Variants in MEX3B observed in about 807,000 individuals in gnomAD.
MEX3B encodes the protein mex-3 RNA binding family member B.
In MEX3B, 10 loss-of-function variants were observed where a neutral mutation model predicts 12.2. The observed-to-expected ratio is 0.82, with a 90% CI of 0.51 to 1.40. The LOEUF is 1.40. Among genes scored for constraint, MEX3B ranks in the 40% most tolerant of loss-of-function variants. The pLI is 0.00. For synonymous variants in MEX3B, 498 were observed against 356.3 expected, an observed-to-expected ratio of 1.40 and a Z score of -4.48; for missense variants, 839 against 801.4, an observed-to-expected ratio of 1.05 and a Z score of -0.57.
rs1856324502 is a variant in MEX3B at position 82,043,936 on chromosome 15, T to C, written c.934A>G (p.Thr312Ala). The C allele has an allele frequency of 6.2e-7, 1 of 1,604,770 alleles. No individual in the cohort carries two copies. Among genetic ancestry groups the C allele is most frequent in the African/African-American group, 1.3e-5 (1 of 74,880 alleles). The change falls in exon 2 of 2, where the codon ACC becomes GCC. Residue 312 changes from threonine to alanine, a missense_variant. Thr to Ala is a moderately conservative substitution (Grantham distance 58). Transcript: ENST00000329713. ...GGGTSSSAAA[T>A]QRLADYSPPS... ...GGGCTGTAGTCCGCCAGGCGCTGGG[T>C]AGCCGCTGCGCTGCTGCTGGTCCCG...
chr15:82,043,973 A>T lies in MEX3B; in HGVS notation c.897T>A (p.Ser299=). The change falls in exon 2 of 2, where the codon TCT becomes TCA. Residue 299 remains serine (S), a synonymous_variant. Coordinates refer to ENST00000329713, the MANE Select transcript of MEX3B (RefSeq NM_032246.6). The stretch of plus-strand genomic sequence containing the variant: ...TGCTGCTGGTCCCGCCGCCGAAATA[A>T]GAGTCTGTGGAAGCACTGCCAAGCG... ...SSSLGSASTD[S]YFGGGTSSSA... 2 of 1,609,336 alleles carry T rather than the reference A, an allele frequency of 1.2e-6. No homozygotes were observed. Among genetic ancestry groups the T allele is most frequent in the Non-Finnish European group, 1.7e-6 (2 of 1,179,830 alleles).
In MEX3B at chr15:82,042,874, C is replaced by A. The variant is rs538338874; in HGVS notation, c.*286G>T. 1 of 292,398 alleles carries A rather than the reference C, an allele frequency of 3.4e-6. No homozygotes were observed. Among genetic ancestry groups the A allele is most frequent in the Admixed American group, 4.9e-5 (1 of 20,210 alleles). 18.1% of individuals were successfully genotyped at this position (292,398 alleles called of 1,614,324 possible). On this transcript the variant is annotated 3_prime_UTR_variant, in exon 2 of 2. Coordinates refer to ENST00000329713, the MANE Select transcript of MEX3B (RefSeq NM_032246.6). ...AAAACTATCATTACTAGAATGTCGC[C>A]GTTCCTATTATTTATAGAGCATGCA...
At position 82,045,805 on chromosome 15, in the gene MEX3B, G is replaced by A. The variant is rs2073255080; in HGVS notation, c.-100C>T. 2 of 1,260,066 alleles carry A rather than the reference G, an allele frequency of 1.6e-6. No individual in the cohort carries two copies. The highest frequency in any genetic ancestry group is 1.6e-5 in the African/African-American group (1 of 63,418). The allele number at this position is 1,260,066 out of a possible 1,614,324, so 78.1% of individuals were successfully genotyped here. A position where few individuals can be genotyped will look rare whatever the true frequency, so the allele number is the denominator to read the frequency against. On this transcript the variant is annotated 5_prime_UTR_variant, in exon 1 of 2. Transcript: ENST00000329713. Reference sequence around the variant, plus strand: ...GGAAGCGGGTGGTCAGGGGCGGGGAGGCCGGTCGCCTGCTGAGGGCTCCGT... The same window carrying A: ...GGAAGCGGGTGGTCAGGGGCGGGGAAGCCGGTCGCCTGCTGAGGGCTCCGT...
intron 1 of MEX3B, chr15:82,045,006 T>A: frequency 1.7e-6 from 1 of 579,656 alleles, no homozygotes; most frequent in Non-Finnish European, 3.1e-6. Context: ...GCTGGTCGAC[T>A]GGGGGTAGGG....
In MEX3B at chr15:82,042,486, T is replaced by G. The variant is rs1419240102; in HGVS notation, c.*674A>C. ...CATCTTTGCAATATGAAATATAATT[T>G]TTCAAGTCAAAAAAGAATAAAATAC... On this transcript the variant is annotated 3_prime_UTR_variant, in exon 2 of 2. Transcript: ENST00000329713. The G allele has an allele frequency of 6.6e-6, 1 of 152,612 alleles. No homozygotes were observed. The highest frequency in any genetic ancestry group is 1.5e-5 in the Non-Finnish European group (1 of 68,052). The allele number at this position is 152,612 out of a possible 1,614,324, so 9.5% of individuals were successfully genotyped here.
rs997163686 is a variant in MEX3B at position 82,042,088 on chromosome 15, CTA to C, written c.*1070_*1071del. The stretch of plus-strand genomic sequence containing the variant: ...ATGTATTAAAATAGAAATACTAAAA[CTA>C]GAGTGGTGCAACAGAATTTTTGTAA... On this transcript the variant is annotated 3_prime_UTR_variant, in exon 2 of 2. Transcript: ENST00000329713. The C allele has an allele frequency of 2.0e-5, 3 of 152,584 alleles. No individual in the cohort carries two copies. Among genetic ancestry groups the C allele is most frequent in the African/African-American group, 7.2e-5 (3 of 41,444 alleles). 9.5% of individuals were successfully genotyped at this position (152,584 alleles called of 1,614,324 possible).
In MEX3B at chr15:82,045,558, C is replaced by T. The variant is rs1239652210; in HGVS notation, c.148G>A (p.Glu50Lys). The T allele has an allele frequency of 1.2e-6, 2 of 1,611,520 alleles. No homozygotes were observed. Among genetic ancestry groups the T allele is most frequent in the African/African-American group, 1.3e-5 (1 of 74,918 alleles). Residue 50 changes from glutamate (E) to lysine (K), a missense_variant, in exon 1 of 2, where the codon GAG becomes AAG. Glu to Lys is a moderately conservative substitution (Grantham distance 56, BLOSUM62 1). This residue lies in a region of MEX3B where 214 missense variants were observed against 223.8 expected (regional missense o/e 0.96). Transcript: ENST00000329713. ...QLSLLGLDSDEGASLYDSEPR... is the reference protein window; with the variant it reads ...QLSLLGLDSDKGASLYDSEPR... Reference sequence around the variant, plus strand: ...TCGCTGTCGTACAGAGAGGCGCCCTCGTCACTGTCCAGCCCCAGCAGGGAG... The same window carrying T: ...TCGCTGTCGTACAGAGAGGCGCCCTTGTCACTGTCCAGCCCCAGCAGGGAG...
chr15:82,043,437 A>AGCCCGCTGT lies in MEX3B; in HGVS notation c.1432_1433insACAGCGGGC (p.Gly477_Leu478insHisSerGly). 1 of 1,562,754 alleles carries AGCCCGCTGT rather than the reference A, an allele frequency of 6.4e-7. No homozygotes were observed. On this transcript the variant is annotated inframe_insertion, in exon 2 of 2. Coordinates refer to ENST00000329713, the MANE Select transcript of MEX3B (RefSeq NM_032246.6). ...CTGCAAGCCAGGCAGCTGTGCCCCC[A>AGCCCGCTGT]GCCCGTTGGCATAAGCGGCGTAGGC...
At chr15:82,045,342 A>C (rs1401990908) in intron 1 of MEX3B, 108 bp downstream of exon 1, 4 of 1,355,956 alleles carry the variant, frequency 2.9e-6, no homozygotes, top group Non-Finnish European at 4.1e-6. Flanking sequence ...CTCTCTCCCC[A>C]AGGCACCCCA....
rs755560429 is a variant in MEX3B at position 82,043,659 on chromosome 15, G to A, written c.1211C>T (p.Ala404Val). Residue 404 changes from alanine to valine, a missense_variant, in exon 2 of 2, where the codon GCT (alanine) becomes GTT (valine). Coordinates refer to ENST00000329713, the MANE Select transcript of MEX3B (RefSeq NM_032246.6). ...SSCSSSASSS[A>V]SSSSVVFPGG... Reference sequence around the variant, plus strand: ...GGGGAAGACCACGGAGGAGGAAGAAGCAGACGAAGATGCAGAAGAAGAGCA... The same window carrying A: ...GGGGAAGACCACGGAGGAGGAAGAAACAGACGAAGATGCAGAAGAAGAGCA... The A allele has an allele frequency of 5.0e-6, 8 of 1,611,160 alleles. No homozygotes were observed. In the African/African-American group the frequency reaches 9.4e-5, roughly 19 times the overall value.
In MEX3B at chr15:82,044,116, G is replaced by C. The variant is rs765620150; in HGVS notation, c.754C>G (p.Leu252Val). ...HANGTDVGFD[L>V]HHGSGGSGPG... ...CCGGACCCGCCGGACCCATGATGCA[G>C]ATCGAAGCCCACATCGGTGCCGTTG... Residue 252 changes from leucine (L) to valine (V), a missense_variant, in exon 2 of 2, where the codon CTG becomes GTG. By Grantham distance (32) the Leu-to-Val change is conservative. Transcript: ENST00000329713. The surrounding 1 kb of genome is among the most constrained non-coding windows in gnomAD (Gnocchi z 5.3). 4 of 1,613,240 alleles carry C rather than the reference G, an allele frequency of 2.5e-6. No homozygotes were observed. The highest frequency in any genetic ancestry group is 3.4e-6 in the Non-Finnish European group (4 of 1,180,026).
rs1390662986 is a variant in MEX3B, at chr15:82,044,995, C to G, written c.257-382G>C. 1.2e-5 allele frequency: 7 copies of G among 583,580 alleles called. No individual in the cohort carries two copies. The highest frequency in any genetic ancestry group is 3.1e-5 in the Admixed American group (1 of 32,196). 36.2% of individuals were successfully genotyped at this position (583,580 alleles called of 1,614,324 possible). ...GGCAGCTGAAGTCGCGATGCCTCAG[C>G]GCTGGTCGACTGGGGGTAGGGGGTG... On this transcript the variant is annotated intron_variant, in intron 1 of 1. Coordinates refer to ENST00000329713, the MANE Select transcript of MEX3B (RefSeq NM_032246.6). This position sits in a 1 kb window ranked among gnomAD's most constrained non-coding sequence, Gnocchi z 5.3.
chr15:82,044,107 C>T lies in MEX3B; in HGVS notation c.763G>A (p.Gly255Arg), dbSNP rs1390275634. Residue 255 changes from glycine (G) to arginine (R), a missense_variant, in exon 2 of 2, where the codon GGG (glycine) becomes AGG (arginine). By Grantham distance (125) the Gly-to-Arg change is moderately radical. Coordinates refer to ENST00000329713, the MANE Select transcript of MEX3B (RefSeq NM_032246.6). This position sits in a 1 kb window ranked among gnomAD's most constrained non-coding sequence, Gnocchi z 5.3. ...CTGCCTGGGCCGGACCCGCCGGACC[C>T]ATGATGCAGATCGAAGCCCACATCG... ...GTDVGFDLHHGSGGSGPGSLW... is the reference protein window; with the variant it reads ...GTDVGFDLHHRSGGSGPGSLW... The T allele has an allele frequency of 6.2e-7, 1 of 1,613,042 alleles. No homozygotes were observed. Among genetic ancestry groups the T allele is most frequent in the Admixed American group, 1.7e-5 (1 of 60,022 alleles).
Position 82,043,860 on chromosome 15 carries a change from C to T in MEX3B, c.1010G>A (p.Gly337Asp). 6.3e-7 allele frequency: 1 copy of T among 1,591,468 alleles called. No homozygotes were observed. The highest frequency in any genetic ancestry group is 1.1e-5 in the South Asian group (1 of 87,536). ...CCCCGCTGTGTAGGTGTACCCATTG[C>T]CGTTATTGTTATTGTTTCCGTTGTG... The part of the protein sequence containing the change: ...FAHNGNNNNN[G>D]NGYTYTAGGE... Residue 337 changes from glycine to aspartate, a missense_variant, in exon 2 of 2, where the codon GGC (glycine) becomes GAC (aspartate). Physicochemically the swap from Gly to Asp is moderately conservative, Grantham distance 94. Around this residue, in one of 3 missense-constraint regions of MEX3B, gnomAD observed 573 missense variants for 488.9 expected, o/e 1.17. Transcript: ENST00000329713.
chr15:82,045,285 G>T (rs938770164), intron 1 of MEX3B, 165 bp downstream of exon 1: 2 of 852,302 alleles, frequency 2.3e-6, no homozygotes, highest in Admixed American at 2.0e-5. Flanking sequence ...GAGACAGCCT[G>T]CCTGCACTTT....
At position 82,043,457 on chromosome 15, in the gene MEX3B, G is replaced by A. The variant is rs1474143926; in HGVS notation, c.1413C>T (p.Tyr471=). The part of the protein sequence containing the change: ...RSDPGGGGLA[Y]AAYANGLGAQ... ...CCCCCAGCCCGTTGGCATAAGCGGC[G>A]TAGGCCAGGCCTCCTCCACCCGGGT... is the stretch of plus-strand genomic sequence containing the variant. The change falls in exon 2 of 2, where the codon TAC becomes TAT. Residue 471 remains tyrosine (Y), a synonymous_variant. Transcript: ENST00000329713. The A allele has an allele frequency of 6.5e-7, 1 of 1,547,620 alleles. No homozygotes were observed. The highest frequency in any genetic ancestry group is 2.0e-5 in the Admixed American group (1 of 50,434).
chr15:82,044,725 G>C lies in MEX3B; in HGVS notation c.257-112C>G. ...CCGCGTCCAGGACAGCGAGACGGCAGGACAAGAGATGGGCGGAAAGGGGGC... is the reference window on the plus strand; with the variant it reads ...CCGCGTCCAGGACAGCGAGACGGCACGACAAGAGATGGGCGGAAAGGGGGC... On this transcript the variant is annotated intron_variant, in intron 1 of 1. Coordinates refer to ENST00000329713, the MANE Select transcript of MEX3B (RefSeq NM_032246.6). This position sits in a 1 kb window ranked among gnomAD's most constrained non-coding sequence, Gnocchi z 5.3. 1 of 1,055,584 alleles carries C rather than the reference G, an allele frequency of 9.5e-7. No homozygotes were observed. 65.4% of individuals were successfully genotyped at this position (1,055,584 alleles called of 1,614,324 possible).
chr15:82,045,127 C>G (rs2141170657), intron 1 of MEX3B: 1 of 605,112 alleles, frequency 1.7e-6, no homozygotes, highest in South Asian at 2.0e-5. Flanking sequence ...CTTCCTCCTC[C>G]CAAAGGACTG....
chr15:82,044,090 G>A lies in MEX3B; in HGVS notation c.780C>T (p.Gly260=). The part of the protein sequence containing the change: ...FDLHHGSGGS[G]PGSLWSKPTP... ...TGGGCTTGCTCCAGAGGCTGCCTGG[G>A]CCGGACCCGCCGGACCCATGATGCA... Residue 260 remains glycine (G), a synonymous_variant, in exon 2 of 2, where the codon GGC becomes GGT. Coordinates refer to ENST00000329713, the MANE Select transcript of MEX3B (RefSeq NM_032246.6). This position sits in a 1 kb window ranked among gnomAD's most constrained non-coding sequence, Gnocchi z 5.3. The A allele has an allele frequency of 6.2e-7, 1 of 1,611,432 alleles. No homozygotes were observed. Among genetic ancestry groups the A allele is most frequent in the South Asian group, 1.1e-5 (1 of 90,998 alleles).
Sources: gnomAD v4.1 joint callset for allele counts on GRCh38, gnomAD v4.1.1 for gene constraint, gnomAD v4.1.1 regional missense constraint, Gnocchi (gnomAD v3.1) non-coding constraint, MANE v1.5 for transcripts, NCBI Gene and HGNC (gene_info 2026-07-23, HGNC 2026-07-21) for gene names.